The following DTWD2 variants were observed in gnomAD, a reference collection of about 807,000 sequenced individuals.
DTWD2 encodes the protein DTW motif tRNA-uridine aminocarboxypropyltransferase 2.
DTWD2 carries 39 observed loss-of-function variants against 31.8 expected under a neutral mutation model. That is an observed-to-expected ratio of 1.22 (90% CI 0.95 to 1.60). The LOEUF is 1.60. DTWD2 is among the 40% of genes most tolerant of loss of function. The pLI is 0.00. For synonymous variants in DTWD2, 180 were observed against 142.8 expected (o/e 1.26, Z -1.86); for missense variants, 515 against 381.5 (o/e 1.35, Z -2.92).
At chr5:118,852,611 C>T (rs1319289190) in intron 4 of DTWD2, among the ~76,000 whole-genome samples, 1 of 152,164 alleles carries the variant, frequency 6.6e-6, no homozygotes, top group East Asian at 1.9e-4. Flanking sequence ...TGTTTATACA[C>T]TGCTTGTGGG....
rs1751702356 is a variant in DTWD2 at position 118,841,067 on chromosome 5, T to C, written c.747A>G (p.Gln249=). 4 of 1,612,580 alleles carry C rather than the reference T, an allele frequency of 2.5e-6. No homozygotes were observed. In the South Asian group the frequency reaches 4.4e-5, roughly 18 times the overall value. Residue 249 remains glutamine, a synonymous_variant, in exon 6 of 6, where the codon CAA becomes CAG. Transcript: ENST00000510708. ...YIQETLLRPL[Q]ALCSFQLQHG... is the part of the protein sequence containing the mutation. The stretch of plus-strand genomic sequence containing the variant: ...GCTGAAGTTGAAAGGAGCATAAAGC[T>C]TGAAGAGGGCGAAGCAAAGTCTGTC...
At chr5:118,973,074 A>AC (rs749698409) in intron 1 of DTWD2, among the ~76,000 whole-genome samples, 1,831 of 126,738 alleles carry the variant, frequency 0.014, 28 homozygotes, top group East Asian at 0.025. Flanking sequence ...TAGGATTGCA[A>AC]CCCCCTTTTT....
At chr5:118,909,205 G>C (rs1213990100) in intron 4 of DTWD2, among the ~76,000 whole-genome samples, 1 of 152,276 alleles carries the variant, frequency 6.6e-6, no homozygotes, top group East Asian at 1.9e-4. Flanking sequence ...TGGCCTATTG[G>C]CATCAACCAC....
intron 4 of DTWD2, among the ~76,000 whole-genome samples, chr5:118,900,652 C>A (rs984642155): frequency 2.0e-5 from 3 of 152,040 alleles, no homozygotes; most frequent in Non-Finnish European, 4.4e-5. Context: ...AAGGGCCAGG[C>A]GGGGTGGCTC....
At chr5:118,896,103 A>T (rs1052963729) in intron 4 of DTWD2, among the ~76,000 whole-genome samples, 1 of 152,178 alleles carries the variant, frequency 6.6e-6, no homozygotes, top group Non-Finnish European at 1.5e-5. Flanking sequence ...TCAAATGTAA[A>T]ATTATCAAAC....
intron 5 of DTWD2, among the ~76,000 whole-genome samples, chr5:118,842,900 T>A (rs2112667490): frequency 6.7e-6 from 1 of 148,930 alleles, no homozygotes; most frequent in African/African-American, 2.5e-5. Flanking sequence ...TGAGCCACGA[T>A]CATACCACTG....
At chr5:118,976,260 C>G (rs543946646) in intron 1 of DTWD2, among the ~76,000 whole-genome samples, 1 of 152,170 alleles carries the variant, frequency 6.6e-6, no homozygotes, top group South Asian at 2.1e-4. Flanking sequence ...AATCAACACC[C>G]TAATATCACA....
intron 3 of DTWD2, among the ~76,000 whole-genome samples, chr5:118,932,705 A>C (rs79714898): frequency 2.0e-3 from 310 of 152,310 alleles, no homozygotes; most frequent in African/African-American, 7.1e-3. Context: ...TCAGAGGGAC[A>C]ACCATATGAA....
intron 4 of DTWD2, among the ~76,000 whole-genome samples, chr5:118,906,828 C>T (rs1753344718): frequency 6.6e-6 from 1 of 152,098 alleles, no homozygotes; most frequent in Non-Finnish European, 1.5e-5. Flanking sequence ...ACACTTTAAA[C>T]ATGTGCAGTT....
intron 4 of DTWD2, among the ~76,000 whole-genome samples, chr5:118,899,107 A>G (rs1208049900): frequency 6.6e-6 from 1 of 152,148 alleles, no homozygotes; most frequent in African/African-American, 2.4e-5. Flanking sequence ...TTCACAGCCT[A>G]TTTAGTGCCA....
chr5:118,974,099 A>C, intron 1 of DTWD2: 1 of 1,597,640 alleles, frequency 6.3e-7, no homozygotes, highest in Non-Finnish European at 8.5e-7. Flanking sequence ...CGATACCAAG[A>C]AGCAGAAGAC....
At chr5:118,868,927 T>C (rs1451281111) in intron 4 of DTWD2, among the ~76,000 whole-genome samples, 2 of 150,994 alleles carry the variant, frequency 1.3e-5, no homozygotes, top group Admixed American at 6.6e-5. Context: ...AACATTACGC[T>C]AAGCAAAATA....
chr5:118,883,216 C>G (rs185225159), intron 4 of DTWD2, among the ~76,000 whole-genome samples: 2 of 152,282 alleles, frequency 1.3e-5, no homozygotes, highest in East Asian at 1.9e-4. Flanking sequence ...CAAGAGTGAC[C>G]TTTGCTCCAG....
chr5:118,852,938 T>C (rs944904307), intron 4 of DTWD2, among the ~76,000 whole-genome samples: 3 of 152,140 alleles, frequency 2.0e-5, no homozygotes, highest in African/African-American at 7.2e-5. Context: ...CTGGACGCCA[T>C]TATCCTATGT....
chr5:118,858,296 G>T (rs943711667), intron 4 of DTWD2, among the ~76,000 whole-genome samples: 1 of 152,068 alleles, frequency 6.6e-6, no homozygotes, highest in Non-Finnish European at 1.5e-5. Context: ...GGAATTTAAG[G>T]GTTTCAGAAA....
chr5:118,849,224 C>T (rs939059565), intron 4 of DTWD2, among the ~76,000 whole-genome samples: 5 of 152,128 alleles, frequency 3.3e-5, no homozygotes, highest in Non-Finnish European at 5.9e-5. Flanking sequence ...AGGATATGAA[C>T]AGACACATCT....
intron 1 of DTWD2, chr5:118,974,505 T>C (rs1755098907): frequency 4.4e-6 from 2 of 457,538 alleles, no homozygotes; most frequent in South Asian, 1.7e-5. Flanking sequence ...CTGACTTTAC[T>C]TGTGGTGTGA....
At chr5:118,917,933 C>A (rs988587343) in intron 4 of DTWD2, among the ~76,000 whole-genome samples, 1 of 151,852 alleles carries the variant, frequency 6.6e-6, no homozygotes, top group Non-Finnish European at 1.5e-5. Flanking sequence ...CCACTGCACT[C>A]TAGCCTGGGC....
At chr5:118,862,812 C>A (rs146663126) in intron 4 of DTWD2, among the ~76,000 whole-genome samples, 4 of 152,184 alleles carry the variant, frequency 2.6e-5, no homozygotes, top group Admixed American at 6.5e-5. Flanking sequence ...TCCCATTATT[C>A]TTTCCCAGTG....
Sources: gnomAD v4.1 joint callset for allele counts (sites outside exome capture counted in the v4.1 genomes callset) on GRCh38, gnomAD v4.1.1 for gene constraint, MANE v1.5 for transcripts, NCBI Gene and HGNC (gene_info 2026-07-23, HGNC 2026-07-21) for gene names.